CIAPIN1: variants seen among roughly 807,000 people sequenced by gnomAD.
CIAPIN1 encodes the protein anamorsin.
In CIAPIN1, 18 loss-of-function variants were observed where a neutral mutation model predicts 34.3. The observed-to-expected ratio is 0.52, with a 90% CI of 0.36 to 0.78. The LOEUF (loss-of-function observed/expected upper bound fraction) is 0.78, where lower values mean the gene tolerates loss of function less well. CIAPIN1 is among the 30% of genes least tolerant of loss of function. The pLI, the probability that CIAPIN1 is intolerant of heterozygous loss-of-function variation, is 0.00. For synonymous variants in CIAPIN1, 131 were observed against 140.4 expected, an observed-to-expected ratio of 0.93 and a Z score of 0.47; for missense variants, 310 against 372.5, an observed-to-expected ratio of 0.83 and a Z score of 1.38.
At chr16:57,440,635 G>GA in intron 2 of CIAPIN1, 137 bp downstream of exon 2, 5 of 962,722 alleles carry the variant, frequency 5.2e-6, no homozygotes, top group Non-Finnish European at 7.8e-6. Flanking sequence ...TATCTCAACT[G>GA]AAAAACAACA....
At chr16:57,429,791 CT>C (rs780926941) in intron 8 of CIAPIN1, among the ~76,000 whole-genome samples, 193 of 111,062 alleles carry the variant, frequency 1.7e-3, no homozygotes, top group Middle Eastern at 7.1e-3. Flanking sequence ...CGCACCCGGC[CT>C]TTTTTTTTTT....
chr16:57,439,384 T>C, intron 2 of CIAPIN1, 50 bp from the exon 3 acceptor site: 1 of 1,604,864 alleles, frequency 6.2e-7, no homozygotes, highest in Middle Eastern at 1.7e-4. Flanking sequence ...TGGGATAATC[T>C]CCTGGTCCCT....
At chr16:57,434,935 G>A (rs190079763) in intron 4 of CIAPIN1, among the ~76,000 whole-genome samples, 32 of 152,332 alleles carry the variant, frequency 2.1e-4, no homozygotes, top group African/African-American at 5.8e-4. Flanking sequence ...CCTCTGGGGA[G>A]GGAAGTGTGA....
In CIAPIN1 at chr16:57,429,019, C is replaced by T. The variant is rs1310035664; in HGVS notation, c.*151G>A. On this transcript the variant is annotated 3_prime_UTR_variant, in exon 9 of 9. Coordinates refer to ENST00000394391, the MANE Select transcript of CIAPIN1 (RefSeq NM_020313.4). ...AGCAGCACTACACACCACTGTGCCC[C>T]CCAGCCAGCTTCACTCTGTCTGCTA... The T allele has an allele frequency of 6.4e-6, 4 of 627,832 alleles. No homozygotes were observed. The highest frequency in any genetic ancestry group is 3.8e-5 in the South Asian group (2 of 53,290). The allele number at this position is 627,832 out of a possible 1,614,324, so 38.9% of individuals were successfully genotyped here.
chr16:57,431,086 CG>C (rs2146555786), intron 7 of CIAPIN1, 64 bp downstream of exon 7: 1 of 915,382 alleles, frequency 1.1e-6, no homozygotes, highest in Admixed American at 1.8e-5. Flanking sequence ...AGTACAGCAC[CG>C]CGATGTCTTC....
intron 1 of CIAPIN1, among the ~76,000 whole-genome samples, chr16:57,444,502 G>C (rs975436823): frequency 6.6e-6 from 1 of 152,178 alleles, no homozygotes; most frequent in Non-Finnish European, 1.5e-5. Flanking sequence ...ATGGGAACCT[G>C]CTTTTTCATT....
At chr16:57,435,406 A>G (rs1447043266) in intron 4 of CIAPIN1, among the ~76,000 whole-genome samples, 1 of 152,254 alleles carries the variant, frequency 6.6e-6, no homozygotes, top group African/African-American at 2.4e-5. Flanking sequence ...GAACAGAAGA[A>G]TGGCCTAATA....
At chr16:57,431,077 G>T in intron 7 of CIAPIN1, 74 bp downstream of exon 7, 1 of 819,448 alleles carries the variant, frequency 1.2e-6, no homozygotes. Flanking sequence ...TCTAAAAATA[G>T]TACAGCACCG....
At position 57,447,376 on chromosome 16, in the gene CIAPIN1, C is replaced by A. The variant is rs548734256; in HGVS notation, c.-90G>T. 198 of 886,188 alleles carry A rather than the reference C, an allele frequency of 2.2e-4. No individual in the cohort carries two copies. The African/African-American group carries it at 3.0e-3, about 13-fold the overall frequency. 54.9% of individuals were successfully genotyped at this position (886,188 alleles called of 1,614,324 possible). A position where few individuals can be genotyped will look rare whatever the true frequency, so the allele number is the denominator to read the frequency against. ...GGGCTCGCTCCCGGCTTCTCTCCAGCCGTCGACTCCACGCCTTGCGCCTCT... is the reference window on the plus strand; with the variant it reads ...GGGCTCGCTCCCGGCTTCTCTCCAGACGTCGACTCCACGCCTTGCGCCTCT... On this transcript the variant is annotated 5_prime_UTR_variant, in exon 1 of 9. Coordinates refer to ENST00000394391, the MANE Select transcript of CIAPIN1 (RefSeq NM_020313.4).
chr16:57,443,083 G>GAAA (rs563414443), intron 1 of CIAPIN1, among the ~76,000 whole-genome samples: 1 of 111,910 alleles, frequency 8.9e-6, no homozygotes, highest in Non-Finnish European at 1.9e-5. Flanking sequence ...AGTAAAAATG[G>GAAA]AAAAAAAAAA....
chr16:57,445,849 T>G (rs1438898948), intron 1 of CIAPIN1, among the ~76,000 whole-genome samples: 5 of 135,404 alleles, frequency 3.7e-5, no homozygotes, highest in African/African-American at 9.1e-5. Context: ...TTTTTTTTTT[T>G]TTTTTTTTTT....
intron 1 of CIAPIN1, among the ~76,000 whole-genome samples, chr16:57,442,241 G>A (rs141627321): frequency 0.068 from 10,280 of 151,834 alleles, 574 homozygotes; most frequent in African/African-American, 0.15. Flanking sequence ...AGCTACTCAC[G>A]AGGCTGAGGA....
At chr16:57,432,220 ATG>A (rs1903103510) in intron 6 of CIAPIN1, among the ~76,000 whole-genome samples, 1 of 152,146 alleles carries the variant, frequency 6.6e-6, no homozygotes, top group Non-Finnish European at 1.5e-5. Context: ...AGGCTGAAAC[ATG>A]AGAATCGCTT....
At chr16:57,442,960 C>G (rs1436899646) in intron 1 of CIAPIN1, among the ~76,000 whole-genome samples, 1 of 151,966 alleles carries the variant, frequency 6.6e-6, no homozygotes, top group Non-Finnish European at 1.5e-5. Flanking sequence ...TGCCTTTTAT[C>G]TAGCTCCTTC....
chr16:57,446,317 A>C (rs2030066867), intron 1 of CIAPIN1, among the ~76,000 whole-genome samples: 1 of 152,156 alleles, frequency 6.6e-6, no homozygotes, highest in African/African-American at 2.4e-5. Flanking sequence ...GGAGTGTTTT[A>C]CCTAAAACCA....
chr16:57,443,852 A>G (rs758218679), intron 1 of CIAPIN1, among the ~76,000 whole-genome samples: 1 of 152,224 alleles, frequency 6.6e-6, no homozygotes, highest in Non-Finnish European at 1.5e-5. Context: ...CAAGGTGTGC[A>G]ATATGGGATC....
intron 1 of CIAPIN1, among the ~76,000 whole-genome samples, chr16:57,445,940 G>A (rs1362440666): frequency 1.4e-5 from 2 of 143,690 alleles, no homozygotes; most frequent in Non-Finnish European, 1.5e-5. Flanking sequence ...CCGACTCCGG[G>A]GTTCAAGCGA....
chr16:57,430,657 T>G, intron 7 of CIAPIN1: 1 of 310,768 alleles, frequency 3.2e-6, no homozygotes, highest in Non-Finnish European at 6.0e-6. Context: ...AAAAAATCTG[T>G]GTTTTCACTT....
At chr16:57,442,326 C>CAA (rs1422694869) in intron 1 of CIAPIN1, among the ~76,000 whole-genome samples, 1 of 151,726 alleles carries the variant, frequency 6.6e-6, no homozygotes. Context: ...AGCCTGGTGA[C>CAA]AGAGCGAGAC....
Sources: allele counts gnomAD v4.1 joint callset (sites outside exome capture counted in the v4.1 genomes callset), GRCh38; gene constraint gnomAD v4.1.1; transcripts MANE v1.5; gene names NCBI Gene and HGNC (gene_info 2026-07-23, HGNC 2026-07-21).